Variants in RANBP2 observed in about 807,000 individuals in gnomAD.
The protein encoded by RANBP2 is E3 SUMO-protein ligase RanBP2.
RANBP2 carries 57 observed loss-of-function variants against 303.6 expected under a neutral mutation model. That is an observed-to-expected ratio of 0.19 (90% CI 0.15 to 0.23). RANBP2 has a LOEUF of 0.23. Ranked by LOEUF, RANBP2 falls within the 10% of genes least tolerant of loss-of-function variation. The probability of loss-of-function intolerance (pLI) is 1.00; values close to 1 mark genes in which losing one functional copy is unlikely to be tolerated. For synonymous variants in RANBP2, 1,167 were observed against 1,301.5 expected, an observed-to-expected ratio of 0.90 and a Z score of 2.23; for missense variants, 3,138 against 3,780.8, an observed-to-expected ratio of 0.83 and a Z score of 4.46.
chr2:109,705,267 T>TG, the RANBP2 span, among the ~76,000 whole-genome samples: 986 of 151,842 alleles, frequency 6.5e-3, 15 homozygotes, highest in Non-Finnish European at 6.3e-3. Context: ...TAGCTCGGTG[T>TG]GGTGGTGCAT....
At chr2:109,423,509 AC>A in the RANBP2 span, among the ~76,000 whole-genome samples, 1 of 152,302 alleles carries the variant, frequency 6.6e-6, no homozygotes, top group East Asian at 1.9e-4. Flanking sequence ...AGACAGGGGC[AC>A]CTTCCATTCC....
chr2:109,517,016 C>G, the RANBP2 span, among the ~76,000 whole-genome samples: 10 of 152,172 alleles, frequency 6.6e-5, no homozygotes, highest in Admixed American at 3.3e-4. Context: ...GCCCTACCCA[C>G]TAGGAACACA....
the RANBP2 span, among the ~76,000 whole-genome samples, chr2:108,877,951 A>G: frequency 6.6e-6 from 1 of 152,232 alleles, no homozygotes; most frequent in Non-Finnish European, 1.5e-5. Flanking sequence ...GCTCTACAGG[A>G]GAAGATTTTT....
At chr2:109,449,138 T>C in the RANBP2 span, 1 of 1,602,072 alleles carries the variant, frequency 6.2e-7, no homozygotes, top group South Asian at 1.1e-5. Context: ...AACTAACCTT[T>C]CAACCTGCTG....
At chr2:109,032,414 CAG>C in the RANBP2 span, among the ~76,000 whole-genome samples, 1 of 152,196 alleles carries the variant, frequency 6.6e-6, no homozygotes, top group Non-Finnish European at 1.5e-5. Context: ...CGTCTGCAAA[CAG>C]ATGCTGTGCT....
chr2:109,485,843 G>A, the RANBP2 span, among the ~76,000 whole-genome samples: 1 of 152,258 alleles, frequency 6.6e-6, no homozygotes, highest in Non-Finnish European at 1.5e-5. Flanking sequence ...TAGATCTTGA[G>A]AGCCAGGGCT....
the RANBP2 span, among the ~76,000 whole-genome samples, chr2:109,721,119 T>G: frequency 3.3e-4 from 51 of 152,328 alleles, no homozygotes; most frequent in African/African-American, 1.2e-3. Context: ...GCCAGAAATA[T>G]TAATTCATAT....
chr2:109,064,464 AAAAAAAAC>A, the RANBP2 span, among the ~76,000 whole-genome samples: 5 of 148,518 alleles, frequency 3.4e-5, no homozygotes, highest in Admixed American at 6.7e-5. Context: ...TCAAAAAAAA[AAAAAAAAC>A]AAAAACAAAC....
At chr2:109,243,148 CT>C in the RANBP2 span, among the ~76,000 whole-genome samples, 1 of 152,220 alleles carries the variant, frequency 6.6e-6, no homozygotes. Flanking sequence ...AGGCTATTGC[CT>C]TGTGCAGGTG....
the RANBP2 span, among the ~76,000 whole-genome samples, chr2:109,579,012 T>G: frequency 2.0e-5 from 3 of 152,110 alleles, no homozygotes; most frequent in Non-Finnish European, 2.9e-5. Flanking sequence ...TTGAAAAGAT[T>G]AAATAAATTG....
the RANBP2 span, among the ~76,000 whole-genome samples, chr2:109,439,619 T>C: frequency 6.6e-6 from 1 of 152,158 alleles, no homozygotes; most frequent in African/African-American, 2.4e-5. Flanking sequence ...ACTTGATTAA[T>C]GTAACTCCTT....
At chr2:108,999,596 T>C in the RANBP2 span, among the ~76,000 whole-genome samples, 105,210 of 152,060 alleles carry the variant, frequency 0.69, 37,447 homozygotes, top group East Asian at 0.88. Flanking sequence ...GTCTTGGATA[T>C]GGCGACGCCA....
the RANBP2 span, among the ~76,000 whole-genome samples, chr2:109,589,845 A>G: frequency 6.6e-5 from 10 of 152,072 alleles, no homozygotes; most frequent in Admixed American, 6.5e-4. Flanking sequence ...AAAACTGGAA[A>G]GATTCCAAAT....
the RANBP2 span, among the ~76,000 whole-genome samples, chr2:109,762,985 A>C: frequency 5.5e-5 from 8 of 145,556 alleles, 1 homozygote; most frequent in Admixed American, 7.2e-5. Context: ...GGTTTACGTA[A>C]ATTTTTAAGT....
chr2:109,419,303 G>A, the RANBP2 span, among the ~76,000 whole-genome samples: 4 of 152,176 alleles, frequency 2.6e-5, no homozygotes, highest in East Asian at 1.9e-4. Context: ...GATGCAGGCC[G>A]TAGAAGGCTC....
the RANBP2 span, among the ~76,000 whole-genome samples, chr2:109,120,930 C>A: frequency 1.3e-5 from 2 of 152,200 alleles, no homozygotes; most frequent in African/African-American, 4.8e-5. Context: ...GCAACTCATG[C>A]AGTGCAGCTG....
the RANBP2 span, among the ~76,000 whole-genome samples, chr2:108,817,550 C>G: frequency 7.9e-5 from 12 of 152,138 alleles, no homozygotes; most frequent in African/African-American, 2.9e-4. Context: ...CTCGGCCTCC[C>G]AAAGTGCTGG....
chr2:109,308,179 A>G, the RANBP2 span, among the ~76,000 whole-genome samples: 1 of 136,292 alleles, frequency 7.3e-6, no homozygotes, highest in African/African-American at 3.2e-5. Context: ...GCCAGTGATG[A>G]TGAGCATTTT....
At chr2:108,804,223 AG>A in the RANBP2 span, among the ~76,000 whole-genome samples, 1 of 152,174 alleles carries the variant, frequency 6.6e-6, no homozygotes, top group Non-Finnish European at 1.5e-5. Context: ...TTTATAAGTA[AG>A]TTGAAAGTGA....
Sources: gnomAD v4.1 joint callset for allele counts (sites outside exome capture counted in the v4.1 genomes callset) on GRCh38, gnomAD v4.1.1 for gene constraint, MANE v1.5 for transcripts, NCBI Gene and HGNC (gene_info 2026-07-23, HGNC 2026-07-21) for gene names.